The following MAP10 variants were observed in gnomAD, a reference collection of about 807,000 sequenced individuals.
MAP10 encodes microtubule associated protein 10, also known as microtubule-associated protein 10.
MAP10 carries 10 observed loss-of-function variants against 6.3 expected under a neutral mutation model. That is an observed-to-expected ratio of 1.58 (90% CI 0.98 to 2.69). MAP10 has a LOEUF of 2.69. Among genes scored for constraint, MAP10 ranks in the 30% most tolerant of loss-of-function variants. The probability of loss-of-function intolerance (pLI) is 0.00; values close to 1 mark genes in which losing one functional copy is unlikely to be tolerated. For missense variants in MAP10, 1,189 were observed against 1,086.5 expected, an observed-to-expected ratio of 1.09 and a Z score of -1.33; for synonymous variants, 459 against 429.3, an observed-to-expected ratio of 1.07 and a Z score of -0.86.
chr1:232,807,756 G>A lies in MAP10; in HGVS notation c.2307G>A (p.Gly769=). The change falls in exon 1 of 1, where the codon GGG becomes GGA. Residue 769 remains glycine, a synonymous_variant. Coordinates refer to ENST00000418460, the MANE Select transcript of MAP10 (RefSeq NM_019090.3). The part of the protein sequence containing the change: ...SSILSPPFSA[G]SPVHSYRKFH... Reference sequence around the variant, plus strand: ...TCCTTAGCCCACCTTTTTCAGCCGGGTCACCTGTACACTCATACAGAAAAT... The same window carrying A: ...TCCTTAGCCCACCTTTTTCAGCCGGATCACCTGTACACTCATACAGAAAAT... The A allele has an allele frequency of 6.2e-7, 1 of 1,613,586 alleles. No homozygotes were observed. The highest frequency in any genetic ancestry group is 1.1e-5 in the South Asian group (1 of 91,046).
chr1:232,806,627 G>A lies in MAP10; in HGVS notation c.1178G>A (p.Arg393Lys). The A allele has an allele frequency of 6.2e-7, 1 of 1,613,878 alleles. No homozygotes were observed. The highest frequency in any genetic ancestry group is 1.3e-5 in the African/African-American group (1 of 75,030). ...GAACAAAATCGAATTAATACAATAA[G>A]GCAGTTGCCTTTGTTAAATGCTTTG... ...QTEQNRINTI[R>K]QLPLLNALLV... The change falls in exon 1 of 1, where the codon AGG becomes AAG. Residue 393 changes from arginine to lysine, a missense_variant. Coordinates refer to ENST00000418460, the MANE Select transcript of MAP10 (RefSeq NM_019090.3).
In MAP10 at chr1:232,807,247, A is replaced by G. The variant is rs749497685; in HGVS notation, c.1798A>G (p.Lys600Glu). 2.3e-5 allele frequency: 37 copies of G among 1,613,316 alleles called. No individual in the cohort carries two copies. Among genetic ancestry groups the G allele is most frequent in the Middle Eastern group, 1.7e-4 (1 of 6,058 alleles). ...AACTAAACTGAAATATGCAACTGAA[A>G]AAAAGACAGTTGATTGTAGTAAAAA... ...KETKLKYATE[K>E]KTVDCSKNRI... The change falls in exon 1 of 1, where the codon AAA (lysine) becomes GAA (glutamate). Residue 600 changes from lysine (K) to glutamate (E), a missense_variant. Lys to Glu is a moderately conservative substitution (Grantham distance 56). Coordinates refer to ENST00000418460, the MANE Select transcript of MAP10 (RefSeq NM_019090.3).
At position 232,807,766 on chromosome 1, in the gene MAP10, C is replaced by T. The variant is rs373595900; in HGVS notation, c.2317C>T (p.His773Tyr). 17 of 1,613,328 alleles carry T rather than the reference C, an allele frequency of 1.1e-5. No individual in the cohort carries two copies. The highest frequency in any genetic ancestry group is 1.4e-5 in the Non-Finnish European group (16 of 1,179,742). Residue 773 changes from histidine to tyrosine, a missense_variant, in exon 1 of 1, where the codon CAC (histidine) becomes TAC (tyrosine). Coordinates refer to ENST00000418460, the MANE Select transcript of MAP10 (RefSeq NM_019090.3). Reference protein sequence around the residue: ...SPPFSAGSPVHSYRKFHISKT... With the variant: ...SPPFSAGSPVYSYRKFHISKT... Reference sequence around the variant, plus strand: ...ACCTTTTTCAGCCGGGTCACCTGTACACTCATACAGAAAATTTCATATTTC... The same window carrying T: ...ACCTTTTTCAGCCGGGTCACCTGTATACTCATACAGAAAATTTCATATTTC...
rs1295221860 is a variant in MAP10, at chr1:232,805,773, C to T, written c.324C>T (p.Leu108=). 1.9e-6 allele frequency: 3 copies of T among 1,600,052 alleles called. No homozygotes were observed. The highest frequency in any genetic ancestry group is 1.3e-5 in the African/African-American group (1 of 74,814). ...AGCCTGCTACCCTGCACTGCCGGCT[C>T]CTGCGGACCCCGCTTGCCACCTTGC... The part of the protein sequence containing the change: ...RLQPATLHCR[L]LRTPLATLLL... Residue 108 remains leucine (L), a synonymous_variant, in exon 1 of 1, where the codon CTC becomes CTT. Coordinates refer to ENST00000418460, the MANE Select transcript of MAP10 (RefSeq NM_019090.3).
In MAP10 at chr1:232,805,448, C is replaced by G. The variant is rs375625036; in HGVS notation, c.-2C>G. 3 of 1,610,294 alleles carry G rather than the reference C, an allele frequency of 1.9e-6. No homozygotes were observed. The highest frequency in any genetic ancestry group is 1.1e-5 in the South Asian group (1 of 90,588). ...GCGGCGGCGTTTCCTGGGGCAACAG[C>G]AATGGCGGCCTCGCTGTCCGAGCGG... On this transcript the variant is annotated 5_prime_UTR_variant, in exon 1 of 1. Coordinates refer to ENST00000418460, the MANE Select transcript of MAP10 (RefSeq NM_019090.3).
At position 232,809,009 on chromosome 1, in the gene MAP10, C is replaced by T. The variant is rs1666153730; in HGVS notation, c.*842C>T. Among the ~76,000 whole-genome samples the T allele has an allele frequency of 6.6e-6, 1 of 151,994 alleles. No homozygotes were observed. The highest frequency in any genetic ancestry group is 6.6e-5 in the Admixed American group (1 of 15,266). On this transcript the variant is annotated 3_prime_UTR_variant, in exon 1 of 1. Coordinates refer to ENST00000418460, the MANE Select transcript of MAP10 (RefSeq NM_019090.3). Reference sequence around the variant, plus strand: ...ATTTGACTGTAATATTTCTGTTTTGCTTGGTATAAATAGCCTTCAGGTGTT... The same window carrying T: ...ATTTGACTGTAATATTTCTGTTTTGTTTGGTATAAATAGCCTTCAGGTGTT...
rs1666093927 is a variant in MAP10 at position 232,805,974 on chromosome 1, T to A, written c.525T>A (p.Ile175=). ...HNRVGERTGD[I]ALAYRLTDLG... is the part of the protein sequence containing the mutation. Reference sequence around the variant, plus strand: ...GAGTGGGCGAGCGGACTGGGGACATTGCACTGGCCTACCGCCTGACTGACC... The same window carrying A: ...GAGTGGGCGAGCGGACTGGGGACATAGCACTGGCCTACCGCCTGACTGACC... Residue 175 remains isoleucine (I), a synonymous_variant, in exon 1 of 1, where the codon ATT becomes ATA. Coordinates refer to ENST00000418460, the MANE Select transcript of MAP10 (RefSeq NM_019090.3). 6.2e-7 allele frequency: 1 copy of A among 1,613,300 alleles called. No individual in the cohort carries two copies. Among genetic ancestry groups the A allele is most frequent in the African/African-American group, 1.3e-5 (1 of 74,912 alleles).
rs768136623 is a variant in MAP10 at position 232,806,763 on chromosome 1, T to C, written c.1314T>C (p.Ser438=). The C allele has an allele frequency of 4.3e-6, 7 of 1,613,736 alleles. No homozygotes were observed. The East Asian group carries it at 8.9e-5, about 21-fold the overall frequency. The change falls in exon 1 of 1, where the codon TCT becomes TCC. Residue 438 remains serine, a synonymous_variant. Transcript: ENST00000418460. ...RTEDKKSPES[S]AKSTCRSEAK... The stretch of plus-strand genomic sequence containing the variant: ...AGGATAAGAAGTCACCCGAATCTTC[T>C]GCCAAATCCACATGCCGGTCTGAAG...
In MAP10 at chr1:232,805,928, G is replaced by T; in HGVS notation, c.479G>T (p.Gly160Val). Reference sequence around the variant, plus strand: ...TCCGGATGCTCCCACCGTCACCGGGGACGTTTCCCCCTGCATAATCGAGTG... The same window carrying T: ...TCCGGATGCTCCCACCGTCACCGGGTACGTTTCCCCCTGCATAATCGAGTG... The part of the protein sequence containing the change: ...AASGCSHRHR[G>V]RFPLHNRVGE... Residue 160 changes from glycine (G) to valine (V), a missense_variant, in exon 1 of 1, where the codon GGA (glycine) becomes GTA (valine). Transcript: ENST00000418460. 1.2e-6 allele frequency: 2 copies of T among 1,611,310 alleles called. No individual in the cohort carries two copies. Among genetic ancestry groups the T allele is most frequent in the Non-Finnish European group, 1.7e-6 (2 of 1,179,114 alleles).
rs764986457 is a variant in MAP10 at position 232,805,687 on chromosome 1, G to T, written c.238G>T (p.Ala80Ser). 12 of 1,603,170 alleles carry T rather than the reference G, an allele frequency of 7.5e-6. No homozygotes were observed. Among genetic ancestry groups the T allele is most frequent in the Non-Finnish European group, 1.0e-5 (12 of 1,178,692 alleles). Residue 80 changes from alanine (A) to serine (S), a missense_variant, in exon 1 of 1, where the codon GCC (alanine) becomes TCC (serine). Ala to Ser is a moderately conservative substitution (Grantham distance 99). Transcript: ENST00000418460. ...TCCTGACGGCCCCGGCGCTCCCGCC[G>T]CCGAACCGTGGCCCGGTGTCATCCG... ...YPPDGPGAPAAEPWPGVIRFG... is the reference protein window; with the variant it reads ...YPPDGPGAPASEPWPGVIRFG...
At position 232,809,141 on chromosome 1, in the gene MAP10, T is replaced by C. The variant is rs1343801107; in HGVS notation, c.*974T>C. Among the ~76,000 whole-genome samples the C allele has an allele frequency of 1.3e-5, 2 of 152,126 alleles. No individual in the cohort carries two copies. The highest frequency in any genetic ancestry group is 1.5e-5 in the Non-Finnish European group (1 of 67,940). Reference sequence around the variant, plus strand: ...CAGTTTGTTCAATGGTTATTTTTAGTGTATGGAACTTTGTTTTTATGAAAT... The same window carrying C: ...CAGTTTGTTCAATGGTTATTTTTAGCGTATGGAACTTTGTTTTTATGAAAT... On this transcript the variant is annotated 3_prime_UTR_variant, in exon 1 of 1. Transcript: ENST00000418460.
Position 232,806,326 on chromosome 1 carries a change from G to T in MAP10, c.877G>T (p.Asp293Tyr). The change falls in exon 1 of 1, where the codon GAC (aspartate) becomes TAC (tyrosine). Residue 293 changes from aspartate (D) to tyrosine (Y), a missense_variant. Coordinates refer to ENST00000418460, the MANE Select transcript of MAP10 (RefSeq NM_019090.3). ...SSLNEEVTELDMETNIFCPPP... is the reference protein window; with the variant it reads ...SSLNEEVTELYMETNIFCPPP... ...CCTAAATGAGGAAGTCACAGAATTG[G>T]ACATGGAGACCAATATATTTTGCCC... The T allele has an allele frequency of 6.2e-7, 1 of 1,613,922 alleles. No homozygotes were observed. The highest frequency in any genetic ancestry group is 8.5e-7 in the Non-Finnish European group (1 of 1,179,888).
chr1:232,807,583 G>T lies in MAP10; in HGVS notation c.2134G>T (p.Asp712Tyr), dbSNP rs1373897239. The change falls in exon 1 of 1, where the codon GAT becomes TAT. Residue 712 changes from aspartate (D) to tyrosine (Y), a missense_variant. Physicochemically the swap from Asp to Tyr is radical, Grantham distance 160. Transcript: ENST00000418460. ...TTTGTCTAGCCCTTGCTATTCTGAA[G>T]ATTTCTGTACCAGTGAGGACACCAG... ...DDLSSPCYSE[D>Y]FCTSEDTSRS... The T allele has an allele frequency of 5.6e-6, 9 of 1,610,848 alleles. No individual in the cohort carries two copies. The African/African-American group carries it at 8.0e-5, about 14-fold the overall frequency.
Position 232,806,720 on chromosome 1 carries a change from C to T in MAP10, c.1271C>T (p.Ala424Val). 1.2e-6 allele frequency: 2 copies of T among 1,613,822 alleles called. No individual in the cohort carries two copies. ...TSPAHIHPHL[A>V]WLYRTEDKKS... ...CCTGCTCATATACATCCTCACCTAG[C>T]CTGGTTATATAGGACTGAGGATAAG... The change falls in exon 1 of 1, where the codon GCC (alanine) becomes GTC (valine). Residue 424 changes from alanine to valine, a missense_variant. Ala to Val is a moderately conservative substitution (Grantham distance 64). Transcript: ENST00000418460.
In MAP10 at chr1:232,806,993, T is replaced by C; in HGVS notation, c.1544T>C (p.Leu515Ser). Residue 515 changes from leucine to serine, a missense_variant, in exon 1 of 1, where the codon TTG (leucine) becomes TCG (serine). Transcript: ENST00000418460. Reference protein sequence around the residue: ...LRLKLTNPDMLVVHEKRELYR... With the variant: ...LRLKLTNPDMSVVHEKRELYR... The stretch of plus-strand genomic sequence containing the variant: ...TTAAAGCTGACAAATCCTGATATGT[T>C]GGTGGTACATGAAAAAAGAGAACTA... 6.2e-7 allele frequency: 1 copy of C among 1,613,158 alleles called. No homozygotes were observed. The highest frequency in any genetic ancestry group is 1.1e-5 in the South Asian group (1 of 90,810).
rs368165498 is a variant in MAP10, at chr1:232,808,125, T to A, written c.2676T>A (p.Ile892=). The change falls in exon 1 of 1, where the codon ATT becomes ATA. Residue 892 remains isoleucine (I), a synonymous_variant. Coordinates refer to ENST00000418460, the MANE Select transcript of MAP10 (RefSeq NM_019090.3). The stretch of plus-strand genomic sequence containing the variant: ...ATATTTCCAAGCAATGCAAAGATAT[T>A]TGTGAATTAGTAATAAATAAACTTC... ...SLNISKQCKD[I]CELVINKLPG... 1.3e-6 allele frequency: 2 copies of A among 1,583,268 alleles called. No individual in the cohort carries two copies. Among genetic ancestry groups the A allele is most frequent in the African/African-American group, 2.7e-5 (2 of 74,252 alleles).
the MAP10 span, chr1:232,807,741 AC>A: frequency 1.2e-6 from 2 of 1,613,756 alleles, no homozygotes; most frequent in East Asian, 4.5e-5. Flanking sequence ...TCCTTAGCCC[AC>A]CTTTTTCAGC....
chr1:232,805,426 G>C lies in MAP10; in HGVS notation c.-24G>C. 6.2e-7 allele frequency: 1 copy of C among 1,612,680 alleles called. No homozygotes were observed. Among genetic ancestry groups the C allele is most frequent in the African/African-American group, 1.3e-5 (1 of 75,048 alleles). On this transcript the variant is annotated 5_prime_UTR_variant, in exon 1 of 1. Transcript: ENST00000418460. ...CAGCTTCTCGTTTGCGGAGCCCGCG[G>C]CGGCGTTTCCTGGGGCAACAGCAAT...
Position 232,807,291 on chromosome 1 carries a change from A to G in MAP10, c.1842A>G (p.Ser614=), listed in dbSNP as rs1198311205. The part of the protein sequence containing the change: ...DCSKNRINNV[S]LEEVVSPANS... ...GTAAAAATAGAATCAATAATGTTTC[A>G]TTGGAAGAAGTTGTGAGTCCTGCAA... The change falls in exon 1 of 1, where the codon TCA becomes TCG. Residue 614 remains serine (S), a synonymous_variant. Transcript: ENST00000418460. The G allele has an allele frequency of 6.2e-7, 1 of 1,613,534 alleles. No homozygotes were observed. Among genetic ancestry groups the G allele is most frequent in the Non-Finnish European group, 8.5e-7 (1 of 1,179,798 alleles).
Sources: allele counts gnomAD v4.1 joint callset (sites outside exome capture counted in the v4.1 genomes callset), GRCh38; gene constraint gnomAD v4.1.1; transcripts MANE v1.5; gene names NCBI Gene and HGNC (gene_info 2026-07-23, HGNC 2026-07-21).